Variants in DHX8 observed in about 807,000 individuals in gnomAD.
DHX8 encodes the protein ATP-dependent RNA helicase DHX8.
In DHX8, 67 loss-of-function variants were observed where a neutral mutation model predicts 140.7. The observed-to-expected ratio is 0.48, with a 90% CI of 0.39 to 0.58. The LOEUF is 0.58. DHX8 is among the 20% of genes least tolerant of loss of function. DHX8 has a pLI of 0.00. For missense variants in DHX8, 887 were observed against 1,550.7 expected, an observed-to-expected ratio of 0.57 and a Z score of 7.19; for synonymous variants, 533 against 553.2, an observed-to-expected ratio of 0.96 and a Z score of 0.51.
intron 18 of DHX8, chr17:43,519,279 A>G (rs879507639): frequency 2.0e-5 from 3 of 152,174 alleles, no homozygotes; most frequent in Non-Finnish European, 4.4e-5. Context: ...TCTGTTTTTT[A>G]AAAAAATTAT....
intron 12 of DHX8, among the ~76,000 whole-genome samples, chr17:43,505,286 A>G (rs1382539802): frequency 6.6e-6 from 1 of 152,108 alleles, no homozygotes; most frequent in East Asian, 1.9e-4. Flanking sequence ...GCGCATGCCT[A>G]TAATCCCAGC....
chr17:43,544,678 T>C (rs117973220), downstream of DHX8: 404 of 283,916 alleles, frequency 1.4e-3, 2 homozygotes, highest in Non-Finnish European at 9.9e-4. Context: ...ACCAGGAAAA[T>C]GGGCCTGGGG....
At chr17:43,534,795 G>T (rs549624275) in intron 2 of DHX8, among the ~76,000 whole-genome samples, 40 of 152,206 alleles carry the variant, frequency 2.6e-4, no homozygotes, top group African/African-American at 8.4e-4. Context: ...AAAAAAATTA[G>T]CCGGGCGTGG....
chr17:43,509,690 CAG>C (rs1358770161), intron 16 of DHX8, among the ~76,000 whole-genome samples: 2 of 151,872 alleles, frequency 1.3e-5, no homozygotes, highest in East Asian at 1.9e-4. Context: ...TTTTTTGAGA[CAG>C]AGTTTCACTC....
intron 18 of DHX8, chr17:43,519,444 A>G (rs561481352): frequency 8.0e-5 from 12 of 150,474 alleles, no homozygotes; most frequent in African/African-American, 1.5e-4. Context: ...CTCTGTGCCT[A>G]TTTTTTAAAT....
At chr17:43,523,506 G>C (rs935857905) in intron 22 of DHX8, 122 bp from the exon 23 acceptor site, 1 of 1,463,428 alleles carries the variant, frequency 6.8e-7, no homozygotes, top group Non-Finnish European at 9.2e-7. Context: ...AGTCTTATAG[G>C]TGTCAGGCAG....
At chr17:43,511,835 G>A (rs1372341298) in intron 16 of DHX8, among the ~76,000 whole-genome samples, 1 of 136,550 alleles carries the variant, frequency 7.3e-6, no homozygotes, top group African/African-American at 2.8e-5. Context: ...GCAACATGGT[G>A]AGACCCCTAT....
chr17:43,529,924 T>C (rs1363687995), downstream of DHX8: 1 of 1,614,110 alleles, frequency 6.2e-7, no homozygotes, highest in South Asian at 1.1e-5. Flanking sequence ...CATCTGGGAA[T>C]GGTCGCAGAG....
At chr17:43,536,905 C>T (rs1484673221) in intron 3 of DHX8, among the ~76,000 whole-genome samples, 1 of 152,240 alleles carries the variant, frequency 6.6e-6, no homozygotes. Context: ...CCTGTCTGAG[C>T]AGATTCCAGT....
At chr17:43,528,550 G>T, downstream of DHX8, 9 of 1,612,680 alleles carry the variant, frequency 5.6e-6, no homozygotes, top group Non-Finnish European at 7.6e-6. Flanking sequence ...GGGGCCAAAT[G>T]GCTGGGCGGG....
At chr17:43,504,569 T>A (rs550645091) in intron 11 of DHX8, 75 bp from the exon 12 acceptor site, 3 of 1,458,182 alleles carry the variant, frequency 2.1e-6, no homozygotes, top group Admixed American at 2.2e-5. Flanking sequence ...AGTGCCCGCA[T>A]GCCATTTTAT....
chr17:43,494,377 A>C (rs1055633935), intron 8 of DHX8, among the ~76,000 whole-genome samples: 2 of 152,176 alleles, frequency 1.3e-5, no homozygotes, highest in Non-Finnish European at 2.9e-5. Flanking sequence ...CTCATGCCTC[A>C]GTACCCTTTT....
intron 9 of DHX8, among the ~76,000 whole-genome samples, chr17:43,496,777 C>CAA (rs199767106): frequency 5.7e-5 from 8 of 141,490 alleles, no homozygotes; most frequent in East Asian, 2.0e-4. Context: ...GAGACTCTAT[C>CAA]AAAAAAAAAA....
Position 43,533,885 on chromosome 17 carries a change from G to A in DHX8, c.351-2527G>A, listed in dbSNP as rs1044858288. ...TGGAGTAAAGGCACTGCTCGCCATG[G>A]TGGTAGGGGAGTGGCGGCTTCCTGC... On this transcript the variant is annotated intron_variant, in intron 2 of 3. Coordinates refer to the DHX8 transcript ENST00000589898. The A allele has an allele frequency of 1.9e-6, 3 of 1,603,344 alleles. No individual in the cohort carries two copies. The African/African-American group carries it at 4.1e-5, about 22-fold the overall frequency.
downstream of DHX8, chr17:43,529,834 A>G (rs762452956): frequency 1.0e-4 from 165 of 1,604,130 alleles, no homozygotes; most frequent in Non-Finnish European, 9.1e-5. Context: ...TCCTGCAGGG[A>G]CACAGCGTGA....
Position 43,508,345 on chromosome 17 carries a change from T to C in DHX8, c.2327T>C (p.Ile776Thr). The C allele has an allele frequency of 6.2e-7, 1 of 1,612,076 alleles. No homozygotes were observed. Reference protein sequence around the residue: ...QIHLTEPPGDILVFLTGQEEI... With the variant: ...QIHLTEPPGDTLVFLTGQEEI... ...TGTTCTATTCTGCTCGTAGGTGATA[T>C]CCTGGTCTTCCTGACTGGTCAGGAA... The change falls in exon 16 of 23, where the codon ATC becomes ACC. Residue 776 changes from isoleucine (I) to threonine (T), a missense_variant. This residue lies in a region of DHX8 where 151 missense variants were observed against 388.3 expected (regional missense o/e 0.39). Coordinates refer to ENST00000262415, the MANE Select transcript of DHX8 (RefSeq NM_004941.3).
At chr17:43,502,291 G>A (rs1453006306) in intron 11 of DHX8, among the ~76,000 whole-genome samples, 3 of 152,170 alleles carry the variant, frequency 2.0e-5, no homozygotes, top group African/African-American at 7.2e-5. Context: ...GATGGCTCAC[G>A]CCTGTAATCC....
At chr17:43,536,626 T>G (rs1971257428) in intron 3 of DHX8, 1 of 650,264 alleles carries the variant, frequency 1.5e-6, no homozygotes, top group South Asian at 1.8e-5. Flanking sequence ...AGAATTGTCT[T>G]GGGCCACACA....
At position 43,489,518 on chromosome 17, in the gene DHX8, A is replaced by G; in HGVS notation, c.218A>G (p.Asn73Ser). The change falls in exon 2 of 23, where the codon AAT becomes AGT. Residue 73 changes from asparagine (N) to serine (S), a missense_variant. Asn to Ser is a conservative substitution (Grantham distance 46). Transcript: ENST00000262415. ...ACTTTTAAGGCTTCTCTCGTCAAAAATGGTGCAGAATTTACGGTATGTATA... is the reference window on the plus strand; with the variant it reads ...ACTTTTAAGGCTTCTCTCGTCAAAAGTGGTGCAGAATTTACGGTATGTATA... Reference protein sequence around the residue: ...FDTFKASLVKNGAEFTDSLIS... With the variant: ...FDTFKASLVKSGAEFTDSLIS... The G allele has an allele frequency of 6.2e-7, 1 of 1,605,380 alleles. No individual in the cohort carries two copies. Among genetic ancestry groups the G allele is most frequent in the Non-Finnish European group, 8.5e-7 (1 of 1,174,952 alleles).
Sources: gnomAD v4.1 joint callset for allele counts (sites outside exome capture counted in the v4.1 genomes callset) on GRCh38, gnomAD v4.1.1 for gene constraint, gnomAD v4.1.1 regional missense constraint, MANE v1.5 for transcripts, NCBI Gene and HGNC (gene_info 2026-07-23, HGNC 2026-07-21) for gene names.